SGCZ: variants seen among roughly 807,000 people sequenced by gnomAD.
SGCZ encodes sarcoglycan zeta.
SGCZ carries 40 observed loss-of-function variants against 41.3 expected under a neutral mutation model. The observed-to-expected ratio is 0.97, with a 90% CI of 0.75 to 1.26. The LOEUF is 1.26. Ranked by LOEUF, SGCZ falls within the 50% of genes most tolerant of loss-of-function variation. SGCZ has a pLI of 0.00. For missense variants in SGCZ, 552 were observed against 369.8 expected (o/e 1.49, Z -4.04); for synonymous variants, 206 against 137.5 (o/e 1.50, Z -3.49).
At chr8:14,433,227 G>A (rs1354525233) in intron 2 of SGCZ, among the ~76,000 whole-genome samples, 1 of 152,130 alleles carries the variant, frequency 6.6e-6, no homozygotes, top group Non-Finnish European at 1.5e-5. Flanking sequence ...AGTTGCAGCT[G>A]CCCAAAGTTT....
intron 2 of SGCZ, among the ~76,000 whole-genome samples, chr8:14,354,795 C>G (rs1405523196): frequency 6.6e-6 from 1 of 151,658 alleles, no homozygotes; most frequent in Non-Finnish European, 1.5e-5. Context: ...ACTTTAAATT[C>G]TCATAATTTG....
chr8:14,500,090 G>A (rs928497540), intron 2 of SGCZ, among the ~76,000 whole-genome samples: 1 of 152,054 alleles, frequency 6.6e-6, no homozygotes, highest in South Asian at 2.1e-4. Context: ...ACACGGAGAG[G>A]GGAATTCGCT....
chr8:15,217,769 C>G (rs1305313917), intron 1 of SGCZ, among the ~76,000 whole-genome samples: 1 of 152,142 alleles, frequency 6.6e-6, no homozygotes, highest in Non-Finnish European at 1.5e-5. Context: ...TCAAGCAAAG[C>G]AATGTGATAG....
intron 2 of SGCZ, among the ~76,000 whole-genome samples, chr8:14,365,753 C>A (rs143706792): frequency 0.02 from 3,102 of 151,990 alleles, 89 homozygotes; most frequent in African/African-American, 0.058. Context: ...TTATTTTGTC[C>A]ATTTTGTTTT....
At chr8:14,277,851 C>T (rs998526187) in intron 3 of SGCZ, among the ~76,000 whole-genome samples, 1 of 151,994 alleles carries the variant, frequency 6.6e-6, no homozygotes, top group Non-Finnish European at 1.5e-5. Context: ...AAAATCCCCC[C>T]TTTAGGAATG....
At chr8:14,364,581 C>G (rs55967710) in intron 2 of SGCZ, among the ~76,000 whole-genome samples, 1 of 151,954 alleles carries the variant, frequency 6.6e-6, no homozygotes, top group African/African-American at 2.4e-5. Context: ...TATATCATTG[C>G]TTTTATTTAC....
rs1168319656 is a variant in SGCZ, at chr8:14,457,746, C to G, written c.234+96986G>C. Among the ~76,000 whole-genome samples, 5 of 152,296 alleles carry G rather than the reference C, an allele frequency of 3.3e-5. No individual in the cohort carries two copies. The East Asian group carries it at 7.8e-4, about 24-fold the overall frequency. ...CTCGGCTGCCAGGCAGAGAAGGGCC[C>G]CCTGTCCAGTGGACACGTGACCCAC... On this transcript the variant is annotated intron_variant, in intron 2 of 7. Transcript: ENST00000382080.
chr8:14,843,045 T>C (rs1292734990), intron 1 of SGCZ, among the ~76,000 whole-genome samples: 7 of 152,162 alleles, frequency 4.6e-5, no homozygotes, highest in Non-Finnish European at 1.0e-4. Flanking sequence ...AAACCCCATC[T>C]CTACTAAAAT....
intron 1 of SGCZ, among the ~76,000 whole-genome samples, chr8:14,854,629 T>C (rs530343877): frequency 2.8e-4 from 42 of 152,346 alleles, no homozygotes; most frequent in Non-Finnish European, 5.4e-4. Context: ...ATATTTTGAA[T>C]ACATACAGTA....
intron 1 of SGCZ, among the ~76,000 whole-genome samples, chr8:14,675,825 G>T (rs576200460): frequency 1.3e-5 from 2 of 152,302 alleles, no homozygotes; most frequent in South Asian, 4.1e-4. Flanking sequence ...TGCATGGAAT[G>T]AATTTCCAAA....
intron 1 of SGCZ, among the ~76,000 whole-genome samples, chr8:14,619,323 A>C (rs1325058269): frequency 1.3e-5 from 2 of 152,176 alleles, no homozygotes; most frequent in Non-Finnish European, 2.9e-5. Context: ...ACAAACCCAC[A>C]GCCAATATCA....
intron 1 of SGCZ, among the ~76,000 whole-genome samples, chr8:15,092,432 A>G (rs1806188160): frequency 6.6e-6 from 1 of 152,202 alleles, no homozygotes; most frequent in Non-Finnish European, 1.5e-5. Flanking sequence ...ATTTGTATTT[A>G]TAGTAATTTG....
intron 1 of SGCZ, among the ~76,000 whole-genome samples, chr8:15,205,667 A>T (rs1285941629): frequency 6.6e-6 from 1 of 152,182 alleles, no homozygotes; most frequent in Non-Finnish European, 1.5e-5. Flanking sequence ...GTTGGTGGGA[A>T]TGTAAATTAG....
intron 1 of SGCZ, among the ~76,000 whole-genome samples, chr8:15,012,928 T>A (rs375753628): frequency 2.6e-5 from 4 of 151,794 alleles, no homozygotes; most frequent in Non-Finnish European, 5.9e-5. Context: ...CATGTACTGG[T>A]GAATGATCAG....
intron 5 of SGCZ, among the ~76,000 whole-genome samples, chr8:14,135,247 C>A (rs1228295903): frequency 2.0e-5 from 3 of 152,128 alleles, no homozygotes; most frequent in African/African-American, 7.2e-5. Context: ...GCTTTTTCAC[C>A]TGTGTAACAA....
chr8:14,791,511 GTAGTTATC>G (rs1305471188), intron 1 of SGCZ, among the ~76,000 whole-genome samples: 2 of 151,744 alleles, frequency 1.3e-5, no homozygotes, highest in Admixed American at 1.3e-4. Context: ...CACATCCCCT[GTAGTTATC>G]TATTTAAAAC....
In SGCZ at chr8:14,238,296, G is replaced by A. The variant is rs763110736; in HGVS notation, c.337-617C>T. ...ATGACAGCTGTGTCTATGCAGTTAC[G>A]TCATTATTACTAAGCATGCTGCTGA... On this transcript the variant is annotated intron_variant, in intron 3 of 7. Transcript: ENST00000382080. 2.8e-4 allele frequency among the ~76,000 whole-genome samples: 43 copies of A among 152,248 alleles called. 1 individual carries two copies. The highest frequency in any genetic ancestry group is 8.5e-4 in the Admixed American group (13 of 15,290).
At chr8:14,821,417 T>C (rs1802079137) in intron 1 of SGCZ, among the ~76,000 whole-genome samples, 1 of 152,048 alleles carries the variant, frequency 6.6e-6, no homozygotes, top group African/African-American at 2.4e-5. Context: ...CAATTATCCT[T>C]AAACTCTTCC....
intron 3 of SGCZ, among the ~76,000 whole-genome samples, chr8:14,322,327 A>G (rs1273332294): frequency 6.6e-6 from 1 of 152,064 alleles, no homozygotes; most frequent in Non-Finnish European, 1.5e-5. Flanking sequence ...AGCGGAGCAT[A>G]TATTCTTCAG....
Sources: gnomAD v4.1 joint callset for allele counts (sites outside exome capture counted in the v4.1 genomes callset) on GRCh38, gnomAD v4.1.1 for gene constraint, MANE v1.5 for transcripts, NCBI Gene and HGNC (gene_info 2026-07-23, HGNC 2026-07-21) for gene names.